The following CDC42BPA variants were observed in gnomAD, a reference collection of about 807,000 sequenced individuals.
CDC42BPA encodes the protein serine/threonine-protein kinase MRCK alpha.
CDC42BPA carries 80 observed loss-of-function variants against 223.5 expected under a neutral mutation model. That is an observed-to-expected ratio of 0.36 (90% CI 0.30 to 0.43). The LOEUF (loss-of-function observed/expected upper bound fraction) is 0.43, where lower values mean the gene tolerates loss of function less well. CDC42BPA is among the 20% of genes least tolerant of loss of function. The pLI is 1.00. For synonymous variants in CDC42BPA, 694 were observed against 718.6 expected (o/e 0.97, Z 0.55); for missense variants, 1,743 against 2,099.9 (o/e 0.83, Z 3.32).
At chr1:227,204,172 A>G (rs1672275126) in intron 3 of CDC42BPA, among the ~76,000 whole-genome samples, 1 of 152,214 alleles carries the variant, frequency 6.6e-6, no homozygotes, top group South Asian at 2.1e-4. Flanking sequence ...AATCAGTGAA[A>G]TTTTAAATTG....
At chr1:227,088,452 A>G (rs531863964) in intron 16 of CDC42BPA, among the ~76,000 whole-genome samples, 3 of 152,342 alleles carry the variant, frequency 2.0e-5, no homozygotes, top group South Asian at 4.1e-4. Flanking sequence ...TGGATTGTAT[A>G]CATGATTGCA....
rs1671085507 is a variant in CDC42BPA, at chr1:227,040,189, C to T, written c.3141G>A (p.Lys1047=). Residue 1047 remains lysine (K), a synonymous_variant, in exon 24 of 37, where the codon AAG becomes AAA. Transcript: ENST00000366766. The stretch of plus-strand genomic sequence containing the variant: ...CCATCAAGGAGGTACACTGATGACA[C>T]TTGGTAGGAGTAGTAAAAGATTTTA... ...FFVKSFTTPT[K]CHQCTSLMVG... is the part of the protein sequence containing the mutation. 1.9e-6 allele frequency: 3 copies of T among 1,613,410 alleles called. No individual in the cohort carries two copies. The highest frequency in any genetic ancestry group is 2.2e-5 in the East Asian group (1 of 44,802).
intron 15 of CDC42BPA, among the ~76,000 whole-genome samples, chr1:227,092,396 GTGGCT>G (rs1683241563): frequency 6.6e-6 from 1 of 152,188 alleles, no homozygotes; most frequent in African/African-American, 2.4e-5. Flanking sequence ...TTGGGAGAGG[GTGGCT>G]ACTTTAGATT....
At chr1:227,123,620 C>G (rs1689049817) in intron 11 of CDC42BPA, among the ~76,000 whole-genome samples, 1 of 152,184 alleles carries the variant, frequency 6.6e-6, no homozygotes. Context: ...ATGATTAAAG[C>G]AGTATTCAAA....
intron 1 of CDC42BPA, among the ~76,000 whole-genome samples, chr1:227,286,146 T>G (rs947348948): frequency 2.0e-5 from 3 of 151,782 alleles, no homozygotes; most frequent in African/African-American, 7.3e-5. Context: ...CTGAAAACAC[T>G]TCTTCCTTCT....
At chr1:227,211,452 A>AT (rs1413971306) in intron 3 of CDC42BPA, among the ~76,000 whole-genome samples, 1 of 152,172 alleles carries the variant, frequency 6.6e-6, no homozygotes, top group Non-Finnish European at 1.5e-5. Flanking sequence ...CTGTACTTAT[A>AT]TGTTTATCAC....
At position 227,291,196 on chromosome 1, in the gene CDC42BPA, G is replaced by C. The variant is rs72632814; in HGVS notation, c.178+25809C>G. 1.2e-3 allele frequency among the ~76,000 whole-genome samples: 176 copies of C among 152,042 alleles called. 1 individual carries two copies. Among genetic ancestry groups the C allele is most frequent in the Admixed American group, 8.8e-3 (134 of 15,270 alleles). ...TAGCCTTCCTCCCTCCTCCCCACCT[G>C]AACAAAAAATCATGTTGCTCCGGTG... On this transcript the variant is annotated intron_variant, in intron 1 of 36. Transcript: ENST00000366766.
intron 1 of CDC42BPA, among the ~76,000 whole-genome samples, chr1:227,314,092 G>A (rs1693978312): frequency 6.6e-6 from 1 of 152,146 alleles, no homozygotes; most frequent in Middle Eastern, 3.4e-3. Context: ...TTTAACGAAT[G>A]ATATACTAAT....
At chr1:227,234,696 C>T (rs771689231) in intron 2 of CDC42BPA, 1 of 152,256 alleles carries the variant, frequency 6.6e-6, no homozygotes, top group Non-Finnish European at 1.5e-5. Context: ...ATATGGCTCT[C>T]AGCTCCCATG....
In CDC42BPA at chr1:227,142,745, G is replaced by A. The variant is rs183304007; in HGVS notation, c.1223+200C>T. ...AGTGATTCTCCTGCCTCGGCCTCCCGAGTAGCTGGGATTACAGGCACCTGC... is the reference window on the plus strand; with the variant it reads ...AGTGATTCTCCTGCCTCGGCCTCCCAAGTAGCTGGGATTACAGGCACCTGC... On this transcript the variant is annotated intron_variant, in intron 9 of 36. Coordinates refer to ENST00000366766, the MANE Select transcript of CDC42BPA (RefSeq NM_001394014.1). Among the ~76,000 whole-genome samples, 6 of 152,010 alleles carry A rather than the reference G, an allele frequency of 3.9e-5. No individual in the cohort carries two copies. In the East Asian group the frequency reaches 7.7e-4, roughly 20 times the overall value.
intron 4 of CDC42BPA, among the ~76,000 whole-genome samples, chr1:227,195,767 C>A (rs1670573815): frequency 6.6e-6 from 1 of 152,048 alleles, no homozygotes; most frequent in Non-Finnish European, 1.5e-5. Flanking sequence ...CTCCTAATCA[C>A]AAACTACTTT....
rs3768434 is a variant in CDC42BPA at position 227,199,660 on chromosome 1, A to G, written c.355-8T>C. 1,285,692 of 1,533,282 alleles carry G rather than the reference A, an allele frequency of 0.84. 541,964 individuals are homozygous for G. The highest frequency in any genetic ancestry group is 0.92 in the Middle Eastern group (5,406 of 5,896). 95.0% of individuals were successfully genotyped at this position (1,533,282 alleles called of 1,614,324 possible). A position where few individuals can be genotyped will look rare whatever the true frequency, so the allele number is the denominator to read the frequency against. On this transcript the variant is annotated splice_region_variant and splice_polypyrimidine_tract_variant and intron_variant, in intron 3 of 36. Coordinates refer to ENST00000366766, the MANE Select transcript of CDC42BPA (RefSeq NM_001394014.1). ...TTCACGAAAACATGCTGTCTGAAAC[A>G]CAAAAAGAAAATTTTTAGAGCATAC...
chr1:227,294,289 G>C (rs1227799145), intron 1 of CDC42BPA, among the ~76,000 whole-genome samples: 4 of 151,520 alleles, frequency 2.6e-5, no homozygotes, highest in South Asian at 2.1e-4. Context: ...AAAAAATTTA[G>C]TATCTAATAA....
At chr1:227,151,957 G>A (rs1461538773) in intron 6 of CDC42BPA, among the ~76,000 whole-genome samples, 1 of 151,346 alleles carries the variant, frequency 6.6e-6, no homozygotes, top group Admixed American at 6.6e-5. Flanking sequence ...GGTGGCTGAG[G>A]CAGGATAAGT....
At chr1:227,043,544 G>T in intron 23 of CDC42BPA, among the ~76,000 whole-genome samples, 1 of 151,174 alleles carries the variant, frequency 6.6e-6, no homozygotes, top group African/African-American at 2.4e-5. Flanking sequence ...TTATTTCTTG[G>T]GGAGAAATAT....
intron 14 of CDC42BPA, among the ~76,000 whole-genome samples, chr1:227,109,381 T>C (rs572417476): frequency 6.4e-4 from 97 of 152,242 alleles, no homozygotes; most frequent in African/African-American, 2.2e-3. Context: ...TATCTTTTTT[T>C]TTGAGACAGA....
At chr1:227,277,497 T>C (rs1687302455) in intron 1 of CDC42BPA, among the ~76,000 whole-genome samples, 1 of 152,188 alleles carries the variant, frequency 6.6e-6, no homozygotes. Context: ...CCAAAAAATA[T>C]CCTAATCAAA....
At chr1:227,027,523 T>G (rs546276484) in intron 30 of CDC42BPA, among the ~76,000 whole-genome samples, 28 of 152,314 alleles carry the variant, frequency 1.8e-4, no homozygotes, top group African/African-American at 6.7e-4. Context: ...CTTTTCCATG[T>G]AGTTCCCTAG....
chr1:227,058,686 T>A (rs1675110482), intron 21 of CDC42BPA, among the ~76,000 whole-genome samples: 1 of 152,122 alleles, frequency 6.6e-6, no homozygotes, highest in Admixed American at 6.5e-5. Flanking sequence ...GGCTGACTCA[T>A]TTCAAGTTGA....
Sources: allele counts gnomAD v4.1 joint callset (sites outside exome capture counted in the v4.1 genomes callset), GRCh38; gene constraint gnomAD v4.1.1; transcripts MANE v1.5; gene names NCBI Gene and HGNC (gene_info 2026-07-23, HGNC 2026-07-21).